Variants in IQUB observed in about 807,000 individuals in gnomAD.
IQUB encodes IQ motif and ubiquitin domain containing, also known as IQ motif and ubiquitin-like domain-containing protein.
Under a neutral mutation model 86.4 loss-of-function variants are expected in IQUB, and 86 were observed. The ratio of observed to expected loss-of-function variants is 1.00; its 90% CI spans 0.84 to 1.19. The LOEUF (loss-of-function observed/expected upper bound fraction) is 1.19. Ranked by LOEUF, IQUB falls within the 50% of genes most tolerant of loss-of-function variation. IQUB has a pLI of 0.00. For missense variants in IQUB, 946 were observed against 916.9 expected, an observed-to-expected ratio of 1.03 and a Z score of -0.41; for synonymous variants, 289 against 304.5, an observed-to-expected ratio of 0.95 and a Z score of 0.53.
At chr7:123,455,935 C>A (rs950822906) in intron 12 of IQUB, among the ~76,000 whole-genome samples, 1 of 152,044 alleles carries the variant, frequency 6.6e-6, no homozygotes, top group Non-Finnish European at 1.5e-5. Flanking sequence ...GTTTCCTATA[C>A]CTGTTTCATA....
intron 1 of IQUB, among the ~76,000 whole-genome samples, chr7:123,528,067 G>C (rs1362763919): frequency 6.6e-6 from 1 of 152,186 alleles, no homozygotes; most frequent in East Asian, 1.9e-4. Context: ...GGGTGGGAGT[G>C]ACCCGATTTT....
chr7:123,503,702 T>C (rs1187613576), intron 3 of IQUB, among the ~76,000 whole-genome samples: 1 of 151,810 alleles, frequency 6.6e-6, no homozygotes, highest in African/African-American at 2.4e-5. Flanking sequence ...CTTTGAAACT[T>C]TGAACACATA....
intron 12 of IQUB, chr7:123,456,489 AT>A (rs1793702128): frequency 6.6e-6 from 1 of 152,106 alleles, no homozygotes; most frequent in African/African-American, 2.4e-5. Context: ...AACTAAAAAA[AT>A]ATTTAAAAAC....
intron 6 of IQUB, chr7:123,501,385 G>A (rs1795936435): frequency 1.3e-5 from 2 of 152,244 alleles, no homozygotes; most frequent in South Asian, 4.1e-4. Flanking sequence ...TGGAATAACA[G>A]GCACTAATCA....
chr7:123,504,565 T>C (rs1420091149), intron 3 of IQUB, among the ~76,000 whole-genome samples: 1 of 152,076 alleles, frequency 6.6e-6, no homozygotes, highest in Non-Finnish European at 1.5e-5. Context: ...AGGCACATCT[T>C]ACATGGCCAG....
At chr7:123,453,748 A>ATCAT (rs1281215619) in intron 12 of IQUB, among the ~76,000 whole-genome samples, 1 of 152,144 alleles carries the variant, frequency 6.6e-6, no homozygotes, top group African/African-American at 2.4e-5. Context: ...ATTTGATTAA[A>ATCAT]TCATTATAAA....
Position 123,452,706 on chromosome 7 carries a change from CA to C in IQUB, c.*36del. ...TCTGTATTACCCTATTAGCAGTGAA[CA>C]AAATGCCGATCATCAAACAAATACT... is the stretch of plus-strand genomic sequence containing the variant. On this transcript the variant is annotated 3_prime_UTR_variant, in exon 13 of 13. Coordinates refer to ENST00000324698, the MANE Select transcript of IQUB (RefSeq NM_178827.5). 6.7e-7 allele frequency: 1 copy of C among 1,497,132 alleles called. No individual in the cohort carries two copies. The highest frequency in any genetic ancestry group is 9.2e-7 in the Non-Finnish European group (1 of 1,082,558). 92.7% of individuals were successfully genotyped at this position (1,497,132 alleles called of 1,614,324 possible). A position where few individuals can be genotyped will look rare whatever the true frequency, so the allele number is the denominator to read the frequency against.
chr7:123,523,885 G>T (rs1250818442), intron 1 of IQUB, among the ~76,000 whole-genome samples: 2 of 152,130 alleles, frequency 1.3e-5, no homozygotes, highest in African/African-American at 4.8e-5. Flanking sequence ...TTTGTATAAC[G>T]TGTAAGGAAG....
At chr7:123,529,586 T>A (rs1359468605) in intron 1 of IQUB, among the ~76,000 whole-genome samples, 1 of 151,418 alleles carries the variant, frequency 6.6e-6, no homozygotes, top group African/African-American at 2.4e-5. Context: ...CAATAATCTA[T>A]ATTAATTTTT....
chr7:123,496,607 T>C (rs1446599273), intron 7 of IQUB, 89 bp downstream of exon 7: 1 of 777,900 alleles, frequency 1.3e-6, no homozygotes, highest in Non-Finnish European at 2.0e-6. Context: ...CCTAAAATAA[T>C]AACACCTTCC....
intron 2 of IQUB, among the ~76,000 whole-genome samples, chr7:123,510,335 A>T (rs749874238): frequency 6.6e-6 from 1 of 152,104 alleles, no homozygotes; most frequent in Non-Finnish European, 1.5e-5. Context: ...TCAGGAAATC[A>T]CGCATTTTTG....
intron 8 of IQUB, among the ~76,000 whole-genome samples, chr7:123,470,458 T>C (rs1563435546): frequency 6.6e-6 from 1 of 152,186 alleles, no homozygotes; most frequent in Non-Finnish European, 1.5e-5. Flanking sequence ...AAATCTTAGA[T>C]GTGATCTAAT....
intron 10 of IQUB, among the ~76,000 whole-genome samples, chr7:123,463,939 T>A (rs919375262): frequency 6.6e-6 from 1 of 151,772 alleles, no homozygotes; most frequent in Non-Finnish European, 1.5e-5. Context: ...ACTTTTTCCC[T>A]TGGACTTTTG....
At chr7:123,479,235 T>C (rs1397805773) in intron 8 of IQUB, among the ~76,000 whole-genome samples, 3 of 152,284 alleles carry the variant, frequency 2.0e-5, no homozygotes, top group Admixed American at 1.3e-4. Context: ...CTATTCAATA[T>C]CAAACAGGCA....
intron 1 of IQUB, among the ~76,000 whole-genome samples, chr7:123,531,083 C>T (rs1015305237): frequency 5.3e-5 from 8 of 151,972 alleles, no homozygotes; most frequent in Non-Finnish European, 1.2e-4. Context: ...GCATTAGGTT[C>T]GGATCCATAA....
chr7:123,477,761 C>T (rs1794811361), intron 8 of IQUB, among the ~76,000 whole-genome samples: 1 of 152,074 alleles, frequency 6.6e-6, no homozygotes, highest in Non-Finnish European at 1.5e-5. Context: ...AACAAACAAC[C>T]CCATCAAAAA....
At chr7:123,517,702 T>A (rs1185396144) in intron 1 of IQUB, among the ~76,000 whole-genome samples, 2 of 152,142 alleles carry the variant, frequency 1.3e-5, no homozygotes, top group Non-Finnish European at 2.9e-5. Context: ...GAACCATCCA[T>A]GGACCAACAA....
intron 7 of IQUB, among the ~76,000 whole-genome samples, chr7:123,488,232 T>G (rs551049990): frequency 6.6e-6 from 1 of 151,302 alleles, no homozygotes; most frequent in South Asian, 2.1e-4. Flanking sequence ...TCCCAGCTAC[T>G]CGGGAGGCTG....
At chr7:123,483,459 T>C (rs534924328) in intron 7 of IQUB, among the ~76,000 whole-genome samples, 1 of 152,222 alleles carries the variant, frequency 6.6e-6, no homozygotes, top group Admixed American at 6.6e-5. Flanking sequence ...CTCTGAATTC[T>C]AAGAAGCGTA....
Sources: gnomAD v4.1 joint callset for allele counts (sites outside exome capture counted in the v4.1 genomes callset) on GRCh38, gnomAD v4.1.1 for gene constraint, MANE v1.5 for transcripts, NCBI Gene and HGNC (gene_info 2026-07-23, HGNC 2026-07-21) for gene names.